The following DENND4A variants were observed in gnomAD, a reference collection of about 807,000 sequenced individuals.
The protein encoded by DENND4A is C-myc promoter-binding protein.
A neutral mutation model predicts 199.3 loss-of-function variants in DENND4A; 70 were observed. The observed-to-expected ratio is 0.35, with a 90% confidence interval of 0.29 to 0.43. The LOEUF is 0.43. Among genes scored for constraint, DENND4A ranks in the 20% least tolerant of loss-of-function variants. The probability of loss-of-function intolerance (pLI) is 1.00; values close to 1 mark genes in which losing one functional copy is unlikely to be tolerated. For missense variants in DENND4A, 1,723 were observed against 2,255.8 expected (o/e 0.76, Z 4.78); for synonymous variants, 686 against 766.9 (o/e 0.89, Z 1.74).
intron 24 of DENND4A, among the ~76,000 whole-genome samples, chr15:65,674,271 AAAAGATACAT>A (rs2076303557): frequency 1.3e-5 from 2 of 152,230 alleles, no homozygotes; most frequent in Admixed American, 6.5e-5. Flanking sequence ...AACACTTCAT[AAAAGATACAT>A]ACTATTTGAG....
chr15:65,683,589 A>AG (rs1380253447), intron 23 of DENND4A, among the ~76,000 whole-genome samples: 1 of 152,196 alleles, frequency 6.6e-6, no homozygotes, highest in Non-Finnish European at 1.5e-5. Flanking sequence ...CTCAAACATT[A>AG]TTCTAATTTC....
At chr15:65,721,718 G>C (rs957627811) in intron 12 of DENND4A, among the ~76,000 whole-genome samples, 1 of 151,702 alleles carries the variant, frequency 6.6e-6, no homozygotes, top group East Asian at 1.9e-4. Flanking sequence ...CTCCCGCGTG[G>C]TCCTCCTGCC....
Position 65,690,987 on chromosome 15 carries a change from C to T in DENND4A, c.3607G>A (p.Glu1203Lys). Residue 1203 changes from glutamate (E) to lysine (K), a missense_variant, in exon 23 of 33, where the codon GAA becomes AAA. Glu to Lys is a moderately conservative substitution (Grantham distance 56). Coordinates refer to ENST00000443035, the MANE Select transcript of DENND4A (RefSeq NM_001320835.1). ...AATCCTGTTGCGACATCAGTTTTTT[C>T]AAAAGGTTTTACTGAAAAGCTGCTG... ...MNSSFSVKPFEKTDVATGFDP... is the reference protein window; with the variant it reads ...MNSSFSVKPFKKTDVATGFDP... 1 of 1,606,692 alleles carries T rather than the reference C, an allele frequency of 6.2e-7. No individual in the cohort carries two copies. Among genetic ancestry groups the T allele is most frequent in the Non-Finnish European group, 8.5e-7 (1 of 1,176,148 alleles).
At chr15:65,714,433 A>C (rs1246918493) in intron 14 of DENND4A, among the ~76,000 whole-genome samples, 1 of 151,404 alleles carries the variant, frequency 6.6e-6, no homozygotes, top group African/African-American at 2.4e-5. Flanking sequence ...ACAAAAAAAA[A>C]ACCCAAAAAC....
chr15:65,678,179 C>T (rs1318207528), intron 23 of DENND4A, among the ~76,000 whole-genome samples: 2 of 152,154 alleles, frequency 1.3e-5, no homozygotes, highest in Non-Finnish European at 2.9e-5. Context: ...CTGCCCGCCT[C>T]GGCCTCCCGA....
chr15:65,680,126 T>C (rs954767816), intron 23 of DENND4A, among the ~76,000 whole-genome samples: 3 of 152,180 alleles, frequency 2.0e-5, no homozygotes, highest in African/African-American at 4.8e-5. Context: ...CCTTAAGTAG[T>C]CTTTTAATTT....
intron 22 of DENND4A, among the ~76,000 whole-genome samples, chr15:65,692,995 A>G (rs919132525): frequency 6.6e-6 from 1 of 152,154 alleles, no homozygotes; most frequent in Non-Finnish European, 1.5e-5. Flanking sequence ...GGTTGTAAAA[A>G]TCATGCACCC....
chr15:65,704,648 T>C (rs1475657288), intron 15 of DENND4A, among the ~76,000 whole-genome samples: 2 of 152,202 alleles, frequency 1.3e-5, no homozygotes, highest in African/African-American at 2.4e-5. Context: ...TGGAGTGCAG[T>C]GGCACGATCT....
chr15:65,748,386 G>C lies in DENND4A; in HGVS notation c.561+3993C>G, dbSNP rs138947717. Among the ~76,000 whole-genome samples the C allele has an allele frequency of 7.4e-3, 1,123 of 152,140 alleles. 14 individuals are homozygous for C. The highest frequency in any genetic ancestry group is 0.04 in the South Asian group (195 of 4,816). On this transcript the variant is annotated intron_variant, in intron 4 of 32. Coordinates refer to ENST00000443035, the MANE Select transcript of DENND4A (RefSeq NM_001320835.1). The stretch of plus-strand genomic sequence containing the variant: ...CAATCCTAGTGCTTTGGGAGGCCAA[G>C]GAGGGAGGATTGCTTGAGGCCAGGA...
In DENND4A at chr15:65,662,004, A is replaced by G; in HGVS notation, c.5588-17T>C. ...CAAAAGCATCTGCAGAAATTGATAA[A>G]GAAATAAAAGAATAAAGAAATTTAG... On this transcript the variant is annotated splice_polypyrimidine_tract_variant and intron_variant, in intron 32 of 32. Coordinates refer to ENST00000443035, the MANE Select transcript of DENND4A (RefSeq NM_001320835.1). 6.3e-7 allele frequency: 1 copy of G among 1,591,090 alleles called. No individual in the cohort carries two copies. The highest frequency in any genetic ancestry group is 1.7e-4 in the Middle Eastern group (1 of 5,984).
intron 11 of DENND4A, among the ~76,000 whole-genome samples, chr15:65,726,330 T>G (rs1256782064): frequency 2.6e-5 from 4 of 152,110 alleles, no homozygotes; most frequent in Admixed American, 2.6e-4. Flanking sequence ...ATAAACACAG[T>G]ATACACTCTT....
rs571696638 is a variant in DENND4A at position 65,739,036 on chromosome 15, G to A, written c.632-161C>T. Among the ~76,000 whole-genome samples, 4 of 152,202 alleles carry A rather than the reference G, an allele frequency of 2.6e-5. No homozygotes were observed. In the East Asian group the frequency reaches 7.7e-4, roughly 29 times the overall value. ...TGAATACTTTGGTAGGATTCATAGA[G>A]ATTTTAATCCTTGAACATTACAACT... On this transcript the variant is annotated intron_variant, in intron 5 of 32. Coordinates refer to ENST00000443035, the MANE Select transcript of DENND4A (RefSeq NM_001320835.1).
chr15:65,695,649 C>CA (rs1013279815), intron 22 of DENND4A, among the ~76,000 whole-genome samples: 20 of 152,134 alleles, frequency 1.3e-4, no homozygotes, highest in African/African-American at 4.8e-4. Flanking sequence ...CAACATCATG[C>CA]AAAAGTAAGC....
chr15:65,775,753 G>C (rs1250280446), intron 1 of DENND4A, among the ~76,000 whole-genome samples: 1 of 148,760 alleles, frequency 6.7e-6, no homozygotes, highest in Admixed American at 6.7e-5. Context: ...AAAGTGATTT[G>C]AGTATTCTAC....
At position 65,775,407 on chromosome 15, in the gene DENND4A, G is replaced by A. The variant is rs575758881; in HGVS notation, c.-101-13969C>T. 1.3e-4 allele frequency among the ~76,000 whole-genome samples: 20 copies of A among 151,758 alleles called. 1 individual carries two copies. Among genetic ancestry groups the A allele is most frequent in the African/African-American group, 3.9e-4 (16 of 41,370 alleles). ...TGTAATCCCAGCACTTTGGGAGGCT[G>A]AGGCAGGCAGATCACCTGAGGTTAG... On this transcript the variant is annotated intron_variant, in intron 1 of 32. Coordinates refer to ENST00000443035, the MANE Select transcript of DENND4A (RefSeq NM_001320835.1).
intron 13 of DENND4A, 98 bp from the exon 14 acceptor site, chr15:65,715,721 T>C: frequency 8.6e-7 from 1 of 1,158,454 alleles, no homozygotes; most frequent in Non-Finnish European, 1.2e-6. Context: ...ATGTCATCTA[T>C]ACCTCCCACA....
In DENND4A at chr15:65,670,105, A is replaced by G. The variant is rs754594548; in HGVS notation, c.4548T>C (p.Asp1516=). The change falls in exon 26 of 33, where the codon GAT becomes GAC. Residue 1516 remains aspartate, a synonymous_variant. Transcript: ENST00000443035. ...DEEIMAGWTA[D]DSNLNTTCPF... ...GGCATGTAGTATTGAGATTTGAATC[A>G]TCTGCTGTCCAGCCAGCCATGATTT... The G allele has an allele frequency of 1.2e-6, 2 of 1,604,960 alleles. No individual in the cohort carries two copies. The highest frequency in any genetic ancestry group is 1.7e-5 in the Admixed American group (1 of 58,828).
intron 1 of DENND4A, among the ~76,000 whole-genome samples, chr15:65,778,780 G>C (rs1374343928): frequency 6.6e-6 from 1 of 151,580 alleles, no homozygotes; most frequent in African/African-American, 2.4e-5. Context: ...TGTAATCCCA[G>C]CTACTCAGGA....
chr15:65,777,995 T>C (rs567798565), intron 1 of DENND4A, among the ~76,000 whole-genome samples: 1 of 151,864 alleles, frequency 6.6e-6, no homozygotes, highest in Non-Finnish European at 1.5e-5. Context: ...ATCAGGCCAA[T>C]GCACTCCAGC....
Sources: gnomAD v4.1 joint callset for allele counts (sites outside exome capture counted in the v4.1 genomes callset) on GRCh38, gnomAD v4.1.1 for gene constraint, MANE v1.5 for transcripts, NCBI Gene and HGNC (gene_info 2026-07-23, HGNC 2026-07-21) for gene names.